TNKS2: variants seen among roughly 807,000 people sequenced by gnomAD.
The protein encoded by TNKS2 is poly [ADP-ribose] polymerase tankyrase-2.
Under a neutral mutation model 137.6 loss-of-function variants are expected in TNKS2, and 72 were observed. That is an observed-to-expected ratio of 0.52 (90% CI 0.43 to 0.64). TNKS2 has a LOEUF of 0.64. Among genes scored for constraint, TNKS2 ranks in the 30% least tolerant of loss-of-function variants. The pLI is 0.00. For missense variants in TNKS2, 1,049 were observed against 1,410.2 expected (o/e 0.74, Z 4.10); for synonymous variants, 516 against 512.1 (o/e 1.01, Z -0.10).
intron 25 of TNKS2, among the ~76,000 whole-genome samples, chr10:91,860,020 T>A (rs1842811944): frequency 2.0e-5 from 3 of 152,188 alleles, no homozygotes. Flanking sequence ...TTGTCAAATC[T>A]AATTATTTGA....
chr10:91,819,131 C>T, intron 3 of TNKS2, 139 bp from the exon 4 acceptor site: 1 of 531,246 alleles, frequency 1.9e-6, no homozygotes, highest in Non-Finnish European at 3.2e-6. Flanking sequence ...ACACAATATT[C>T]TGTTAATGAA....
At chr10:91,860,513 A>G (rs1763046663) in intron 25 of TNKS2, among the ~76,000 whole-genome samples, 1 of 152,192 alleles carries the variant, frequency 6.6e-6, no homozygotes, top group South Asian at 2.1e-4. Flanking sequence ...CCACTGATCT[A>G]GAAAAAAACC....
intron 21 of TNKS2, among the ~76,000 whole-genome samples, chr10:91,852,214 C>T (rs1057300568): frequency 1.3e-5 from 2 of 149,918 alleles, no homozygotes; most frequent in Admixed American, 1.3e-4. Context: ...GGCGACAGAG[C>T]GAGACTCCAT....
chr10:91,864,420 T>C lies in TNKS2; in HGVS notation c.*1421T>C, dbSNP rs1589702713. 9 of 152,708 alleles carry C rather than the reference T, an allele frequency of 5.9e-5. No individual in the cohort carries two copies. In the South Asian group the frequency reaches 1.9e-3, roughly 32 times the overall value. The allele number at this position is 152,708 out of a possible 1,614,324, so 9.5% of individuals were successfully genotyped here. A position where few individuals can be genotyped will look rare whatever the true frequency, so the allele number is the denominator to read the frequency against. ...GGCAATCTCTTTTATTTGTTGACTCTAGCTCCCTTCAAAGTCGAGGAAAGA... is the reference window on the plus strand; with the variant it reads ...GGCAATCTCTTTTATTTGTTGACTCCAGCTCCCTTCAAAGTCGAGGAAAGA... On this transcript the variant is annotated 3_prime_UTR_variant, in exon 27 of 27. Coordinates refer to ENST00000371627, the MANE Select transcript of TNKS2 (RefSeq NM_025235.4).
Position 91,827,095 on chromosome 10 carries a change from G to A in TNKS2, c.874G>A (p.Val292Ile). The change falls in exon 8 of 27, where the codon GTA (valine) becomes ATA (isoleucine). Residue 292 changes from valine to isoleucine, a missense_variant. Val to Ile is a conservative substitution (Grantham distance 29, BLOSUM62 3). Around this residue, in one of 6 missense-constraint regions of TNKS2, gnomAD observed 374 missense variants for 460.8 expected, o/e 0.81. Coordinates refer to ENST00000371627, the MANE Select transcript of TNKS2 (RefSeq NM_025235.4). ...GGCAGCTTCTAAGAACAGGGTTGAA[G>A]TATGTTCTCTTCTCTTAAGTTATGG... is the stretch of plus-strand genomic sequence containing the variant. ...HEAASKNRVE[V>I]CSLLLSYGAD... The A allele has an allele frequency of 1.2e-6, 2 of 1,611,994 alleles. No individual in the cohort carries two copies. The highest frequency in any genetic ancestry group is 1.7e-6 in the Non-Finnish European group (2 of 1,179,012).
intron 18 of TNKS2, among the ~76,000 whole-genome samples, chr10:91,847,926 T>A (rs2133664912): frequency 6.6e-6 from 1 of 152,356 alleles, no homozygotes; most frequent in African/African-American, 2.4e-5. Flanking sequence ...TTTGCCATAT[T>A]TAAATTATAT....
At chr10:91,800,693 G>T (rs1446309504) in intron 1 of TNKS2, among the ~76,000 whole-genome samples, 1 of 152,104 alleles carries the variant, frequency 6.6e-6, no homozygotes, top group Non-Finnish European at 1.5e-5. Context: ...GTATAAAAAG[G>T]GAGTAATAAA....
chr10:91,838,447 G>T (rs2133648506), intron 13 of TNKS2, among the ~76,000 whole-genome samples: 1 of 152,246 alleles, frequency 6.6e-6, no homozygotes, highest in South Asian at 2.1e-4. Context: ...CTTAACTATT[G>T]TGCTCAGTTG....
At chr10:91,813,537 G>A (rs1358001859) in intron 2 of TNKS2, among the ~76,000 whole-genome samples, 1 of 152,184 alleles carries the variant, frequency 6.6e-6, no homozygotes, top group East Asian at 1.9e-4. Flanking sequence ...TCAAGTCAAG[G>A]CCCTACTTCC....
At chr10:91,813,652 T>A (rs902407207) in intron 2 of TNKS2, among the ~76,000 whole-genome samples, 3 of 152,200 alleles carry the variant, frequency 2.0e-5, no homozygotes, top group Admixed American at 1.3e-4. Flanking sequence ...GTTAAGGAGC[T>A]TAATATTAGT....
At chr10:91,852,421 G>A (rs576038623) in intron 21 of TNKS2, among the ~76,000 whole-genome samples, 7 of 151,270 alleles carry the variant, frequency 4.6e-5, no homozygotes, top group African/African-American at 7.3e-5. Flanking sequence ...TTAGCCAGGC[G>A]TGGTGGCGGG....
intron 12 of TNKS2, 64 bp downstream of exon 12, chr10:91,834,088 G>A: frequency 7.5e-7 from 1 of 1,326,246 alleles, no homozygotes; most frequent in Non-Finnish European, 1.0e-6. Flanking sequence ...TCACATATCA[G>A]GTATTATAGG....
At chr10:91,827,625 G>A (rs903692171) in intron 8 of TNKS2, among the ~76,000 whole-genome samples, 1 of 152,046 alleles carries the variant, frequency 6.6e-6, no homozygotes. Context: ...GGCCAAGTTC[G>A]GTTTTCTGTC....
Position 91,842,408 on chromosome 10 carries a change from T to G in TNKS2, c.2059+17T>G, listed in dbSNP as rs1293793294. ...ATTTAGCAGGTAAGTGAATGAAGTT[T>G]CACAGATTTAGGCTGGTAATATCTG... On this transcript the variant is annotated intron_variant, in intron 16 of 26. Coordinates refer to ENST00000371627, the MANE Select transcript of TNKS2 (RefSeq NM_025235.4). The G allele has an allele frequency of 1.9e-6, 3 of 1,609,130 alleles. No homozygotes were observed. The highest frequency in any genetic ancestry group is 3.3e-5 in the Admixed American group (2 of 59,986).
At position 91,841,260 on chromosome 10, in the gene TNKS2, ATTG is replaced by A; in HGVS notation, c.1674-20_1674-18del. On this transcript the variant is annotated intron_variant, in intron 14 of 26. Coordinates refer to ENST00000371627, the MANE Select transcript of TNKS2 (RefSeq NM_025235.4). ...TTAAAACATGTTCTTCTGTGGCATTATTGTTCATTTATTACTTTTCAGAGGCCT... is the reference window on the plus strand; with the variant it reads ...TTAAAACATGTTCTTCTGTGGCATTATTCATTTATTACTTTTCAGAGGCCT... 6.7e-7 allele frequency: 1 copy of A among 1,494,444 alleles called. No homozygotes were observed. The highest frequency in any genetic ancestry group is 1.4e-5 in the African/African-American group (1 of 70,004). The allele number at this position is 1,494,444 out of a possible 1,614,324, so 92.6% of individuals were successfully genotyped here.
chr10:91,840,516 CAA>C (rs1180639079), intron 13 of TNKS2, 43 bp from the exon 14 acceptor site: 8 of 1,536,024 alleles, frequency 5.2e-6, no homozygotes, highest in Non-Finnish European at 6.2e-6. Flanking sequence ...CAAGAAATAA[CAA>C]TATGTAGATG....
At chr10:91,819,896 A>T (rs1844830488) in intron 5 of TNKS2, 43 bp from the exon 6 acceptor site, 2 of 1,429,156 alleles carry the variant, frequency 1.4e-6, no homozygotes, top group Non-Finnish European at 9.5e-7. Context: ...ATTTTATTCA[A>T]CCATTATTTG....
intron 1 of TNKS2, among the ~76,000 whole-genome samples, chr10:91,807,908 A>G (rs1201596837): frequency 6.6e-6 from 1 of 151,610 alleles, no homozygotes; most frequent in Non-Finnish European, 1.5e-5. Flanking sequence ...AAGCAGGAGA[A>G]TGGCATGAAC....
Position 91,798,482 on chromosome 10 carries a change from C to A in TNKS2, c.-209C>A. 1 of 445,886 alleles carries A rather than the reference C, an allele frequency of 2.2e-6. No individual in the cohort carries two copies. Among genetic ancestry groups the A allele is most frequent in the Non-Finnish European group, 3.4e-6 (1 of 292,444 alleles). The allele number at this position is 445,886 out of a possible 1,614,324, so 27.6% of individuals were successfully genotyped here. On this transcript the variant is annotated 5_prime_UTR_variant, in exon 1 of 27. Transcript: ENST00000371627. ...GACGGCGGATTCGCGCTGCCTCCGC[C>A]GCCGCGGGGCAGCCGGGGGGCAGGG... is the stretch of plus-strand genomic sequence containing the variant.
Sources: allele counts gnomAD v4.1 joint callset (sites outside exome capture counted in the v4.1 genomes callset), GRCh38; gene constraint gnomAD v4.1.1; regional missense constraint gnomAD v4.1.1; transcripts MANE v1.5; gene names NCBI Gene and HGNC (gene_info 2026-07-23, HGNC 2026-07-21).